Variants in CNTLN observed in about 807,000 individuals in gnomAD.
CNTLN encodes centlein.
In CNTLN, 212 loss-of-function variants were observed where a neutral mutation model predicts 180.0. The observed-to-expected ratio is 1.18, with a 90% CI of 1.05 to 1.32. CNTLN has a LOEUF of 1.32. Among genes scored for constraint, CNTLN ranks in the 40% most tolerant of loss-of-function variants. CNTLN has a pLI of 0.00. For synonymous variants in CNTLN, 722 were observed against 563.1 expected (o/e 1.28, Z -3.99); for missense variants, 2,095 against 1,610.9 (o/e 1.30, Z -5.14).
intron 5 of CNTLN, among the ~76,000 whole-genome samples, chr9:17,251,496 A>G (rs961328624): frequency 1.3e-5 from 2 of 151,660 alleles, no homozygotes; most frequent in African/African-American, 4.8e-5. Flanking sequence ...TTATCTAATT[A>G]CTTTTTGTGC....
intron 1 of CNTLN, among the ~76,000 whole-genome samples, chr9:17,138,777 G>A (rs1817887590): frequency 6.6e-6 from 1 of 152,126 alleles, no homozygotes; most frequent in Non-Finnish European, 1.5e-5. Context: ...TCCAGTAGAG[G>A]TCAATTGAGG....
intron 13 of CNTLN, among the ~76,000 whole-genome samples, chr9:17,376,120 T>C (rs112582769): frequency 0.016 from 2,506 of 152,286 alleles, 41 homozygotes; most frequent in African/African-American, 0.04. Context: ...CTTTAATTTT[T>C]ATCATATTTC....
chr9:17,522,560 C>T, the CNTLN span, among the ~76,000 whole-genome samples: 7 of 152,226 alleles, frequency 4.6e-5, no homozygotes, highest in Non-Finnish European at 5.9e-5. Flanking sequence ...TGTGGTTTTA[C>T]GACATTTAGT....
chr9:17,435,457 G>A (rs1055687656), intron 18 of CNTLN, among the ~76,000 whole-genome samples: 2 of 152,072 alleles, frequency 1.3e-5, no homozygotes, highest in East Asian at 1.9e-4. Context: ...CACAATGGCT[G>A]TTAAGACTAT....
intron 23 of CNTLN, among the ~76,000 whole-genome samples, chr9:17,476,838 C>T (rs1487771581): frequency 2.6e-5 from 4 of 152,150 alleles, no homozygotes; most frequent in African/African-American, 9.7e-5. Context: ...TCCAAAAGAT[C>T]TAGGTAAGAT....
At chr9:17,209,568 A>G (rs1446461577) in intron 2 of CNTLN, among the ~76,000 whole-genome samples, 1 of 152,162 alleles carries the variant, frequency 6.6e-6, no homozygotes, top group Admixed American at 6.6e-5. Flanking sequence ...TTTAGCTCTA[A>G]TAATATTTTC....
intron 5 of CNTLN, among the ~76,000 whole-genome samples, chr9:17,268,171 C>T (rs181354591): frequency 7.2e-5 from 11 of 152,054 alleles, no homozygotes; most frequent in African/African-American, 2.7e-4. Flanking sequence ...GTGGTTTTAT[C>T]TACTTTTGGT....
intron 2 of CNTLN, among the ~76,000 whole-genome samples, chr9:17,161,505 A>G (rs969267221): frequency 7.2e-5 from 11 of 152,304 alleles, no homozygotes; most frequent in African/African-American, 2.6e-4. Context: ...TTTCATAGAA[A>G]TATAAATACA....
intron 2 of CNTLN, among the ~76,000 whole-genome samples, chr9:17,191,243 C>T (rs1474695547): frequency 6.6e-6 from 1 of 152,128 alleles, no homozygotes; most frequent in Non-Finnish European, 1.5e-5. Context: ...TTTTATGTTG[C>T]TTTTTGCTCT....
intron 23 of CNTLN, among the ~76,000 whole-genome samples, chr9:17,467,411 C>G (rs976592930): frequency 7.2e-4 from 109 of 151,700 alleles, no homozygotes; most frequent in African/African-American, 2.6e-3. Context: ...CCCTAGAAAG[C>G]CTTCATTCCC....
rs1829219712 is a variant in CNTLN at position 17,289,508 on chromosome 9, A to C, written c.984-8682A>C. On this transcript the variant is annotated intron_variant, in intron 6 of 25. Transcript: ENST00000380647. ...TGTCTTGGAGTTGCTCTTCTGGAGG[A>C]GTGTCTTTGTGGCGTTCTCTGTATT... Among the ~76,000 whole-genome samples the C allele has an allele frequency of 1.5e-5, 2 of 137,416 alleles. 1 individual carries two copies. Among genetic ancestry groups the C allele is most frequent in the African/African-American group, 6.1e-5 (2 of 32,818 alleles). 90.2% of individuals were successfully genotyped at this position (137,416 alleles called of 152,430 possible). A position where few individuals can be genotyped will look rare whatever the true frequency, so the allele number is the denominator to read the frequency against.
At chr9:17,163,822 G>C (rs756887629) in intron 2 of CNTLN, among the ~76,000 whole-genome samples, 1 of 152,148 alleles carries the variant, frequency 6.6e-6, no homozygotes, top group African/African-American at 2.4e-5. Context: ...GAGCTCAGGA[G>C]TTCAAGACCA....
At chr9:17,466,601 C>A in intron 22 of CNTLN, 105 bp from the exon 23 acceptor site, 1 of 871,882 alleles carries the variant, frequency 1.1e-6, no homozygotes, top group Non-Finnish European at 1.7e-6. Flanking sequence ...ATAATAAATA[C>A]ATAGAGAGAA....
At chr9:17,249,379 C>T (rs573632950) in intron 5 of CNTLN, among the ~76,000 whole-genome samples, 25 of 136,966 alleles carry the variant, frequency 1.8e-4, no homozygotes, top group African/African-American at 5.9e-4. Context: ...GCTGGAGTCT[C>T]GCTCTATCAC....
At chr9:17,351,544 A>G (rs917644682) in intron 12 of CNTLN, among the ~76,000 whole-genome samples, 12 of 152,166 alleles carry the variant, frequency 7.9e-5, no homozygotes, top group African/African-American at 2.9e-4. Flanking sequence ...CCATGGTGTT[A>G]TAAGTTTATG....
At chr9:17,516,655 A>G in the CNTLN span, among the ~76,000 whole-genome samples, 1 of 152,174 alleles carries the variant, frequency 6.6e-6, no homozygotes, top group Non-Finnish European at 1.5e-5. Context: ...CATCTGTCAC[A>G]TCAGGGTCCT....
intron 2 of CNTLN, among the ~76,000 whole-genome samples, chr9:17,196,891 G>A (rs1324559658): frequency 1.3e-5 from 2 of 151,968 alleles, no homozygotes; most frequent in Non-Finnish European, 2.9e-5. Flanking sequence ...TTATTTTAAA[G>A]TGTACAATAA....
At chr9:17,510,161 G>T in the CNTLN span, among the ~76,000 whole-genome samples, 2 of 152,106 alleles carry the variant, frequency 1.3e-5, no homozygotes, top group Non-Finnish European at 2.9e-5. Flanking sequence ...CTTCAGGATT[G>T]AAGGTTTGGG....
At chr9:17,258,441 G>A (rs893038685) in intron 5 of CNTLN, among the ~76,000 whole-genome samples, 7 of 151,496 alleles carry the variant, frequency 4.6e-5, no homozygotes, top group Middle Eastern at 3.4e-3. Context: ...TTTTGGCTTA[G>A]GATTGACTTG....
Sources: gnomAD v4.1 joint callset for allele counts (sites outside exome capture counted in the v4.1 genomes callset) on GRCh38, gnomAD v4.1.1 for gene constraint, MANE v1.5 for transcripts, NCBI Gene and HGNC (gene_info 2026-07-23, HGNC 2026-07-21) for gene names.